Variants in LINGO2 observed in about 807,000 individuals in gnomAD.
LINGO2 encodes the protein leucine-rich repeat and immunoglobulin-like domain-containing nogo receptor-interacting protein 2.
LINGO2 carries 14 observed loss-of-function variants against 30.6 expected under a neutral mutation model. The observed-to-expected ratio is 0.46, with a 90% CI of 0.30 to 0.72. The LOEUF is 0.72. Among genes scored for constraint, LINGO2 ranks in the 30% least tolerant of loss-of-function variants. LINGO2 has a pLI of 0.07. For missense variants in LINGO2, 729 were observed against 751.7 expected (o/e 0.97, Z 0.35); for synonymous variants, 317 against 288.5 (o/e 1.10, Z -1.00).
At chr9:28,597,311 T>C (rs993736765) in intron 1 of LINGO2, among the ~76,000 whole-genome samples, 2 of 152,136 alleles carry the variant, frequency 1.3e-5, no homozygotes, top group Non-Finnish European at 2.9e-5. Flanking sequence ...ACTGCACTTC[T>C]TGGAATGGAG....
intron 4 of LINGO2, among the ~76,000 whole-genome samples, chr9:28,106,835 G>C (rs1313325063): frequency 6.6e-6 from 1 of 152,144 alleles, no homozygotes; most frequent in Non-Finnish European, 1.5e-5. Flanking sequence ...ACATAAAATA[G>C]CACAAATAAA....
intron 1 of LINGO2, among the ~76,000 whole-genome samples, chr9:28,637,328 C>G (rs1392713082): frequency 6.6e-6 from 1 of 152,054 alleles, no homozygotes; most frequent in East Asian, 1.9e-4. Context: ...TGCATATGAA[C>G]TTTAAAGTAG....
At chr9:28,050,209 G>A (rs1304827107) in intron 4 of LINGO2, among the ~76,000 whole-genome samples, 1 of 150,474 alleles carries the variant, frequency 6.6e-6, no homozygotes, top group Non-Finnish European at 1.5e-5. Context: ...GGAAGGCAAT[G>A]AGTTATTGGT....
chr9:28,676,457 C>G, the LINGO2 span, among the ~76,000 whole-genome samples: 1 of 152,092 alleles, frequency 6.6e-6, no homozygotes. Context: ...TTGTCATAAA[C>G]CATACCACAA....
chr9:28,000,312 G>T (rs1049406383), intron 5 of LINGO2, among the ~76,000 whole-genome samples: 1 of 152,106 alleles, frequency 6.6e-6, no homozygotes, highest in Non-Finnish European at 1.5e-5. Context: ...TTACTGGGAA[G>T]ACTTCAGAAA....
At chr9:29,011,387 T>G in the LINGO2 span, among the ~76,000 whole-genome samples, 1 of 112,452 alleles carries the variant, frequency 8.9e-6, no homozygotes, top group Non-Finnish European at 1.9e-5. Flanking sequence ...CCAGGGGCTG[T>G]GAATTGACAT....
chr9:28,510,380 TAATCTA>T (rs1793213748), intron 1 of LINGO2, among the ~76,000 whole-genome samples: 1 of 152,064 alleles, frequency 6.6e-6, no homozygotes, highest in South Asian at 2.1e-4. Context: ...TATAATAAAG[TAATCTA>T]AAAAAGAATG....
chr9:28,872,247 G>A, the LINGO2 span, among the ~76,000 whole-genome samples: 1 of 151,912 alleles, frequency 6.6e-6, no homozygotes, highest in South Asian at 2.1e-4. Flanking sequence ...TTAAATGACT[G>A]ATCCATGAAA....
At chr9:28,578,758 C>G (rs553808188) in intron 1 of LINGO2, among the ~76,000 whole-genome samples, 1 of 152,246 alleles carries the variant, frequency 6.6e-6, no homozygotes, top group African/African-American at 2.4e-5. Flanking sequence ...AATTAACATT[C>G]CTCAGTATAA....
At chr9:28,890,645 ACCT>A in the LINGO2 span, among the ~76,000 whole-genome samples, 1 of 151,930 alleles carries the variant, frequency 6.6e-6, no homozygotes, top group Non-Finnish European at 1.5e-5. Context: ...CCACTGAATA[ACCT>A]CCTCATTATG....
Position 27,991,906 on chromosome 9 carries a change from C to T in LINGO2, c.-36+20449G>A, listed in dbSNP as rs895717265. On this transcript the variant is annotated intron_variant, in intron 5 of 5. Transcript: ENST00000379992. ...TGCCTTCCATTTTTTAAAAAATGTG[C>T]ATTTGATCCCAATTTGCTTTCACCT... 6.2e-4 allele frequency among the ~76,000 whole-genome samples: 95 copies of T among 152,032 alleles called. 2 individuals carry two copies. Among genetic ancestry groups the T allele is most frequent in the Non-Finnish European group, 7.4e-5 (5 of 67,972 alleles).
chr9:28,324,772 C>T (rs1478599108), intron 3 of LINGO2, among the ~76,000 whole-genome samples: 3 of 152,040 alleles, frequency 2.0e-5, no homozygotes, highest in South Asian at 4.1e-4. Flanking sequence ...ATAAACTAAC[C>T]CTTGTTTAAC....
At chr9:29,008,830 C>T in the LINGO2 span, among the ~76,000 whole-genome samples, 1 of 152,046 alleles carries the variant, frequency 6.6e-6, no homozygotes, top group African/African-American at 2.4e-5. Context: ...AAAGCTTATC[C>T]ACCATGATCA....
At chr9:28,733,364 T>C in the LINGO2 span, among the ~76,000 whole-genome samples, 1 of 152,184 alleles carries the variant, frequency 6.6e-6, no homozygotes. Flanking sequence ...TGGTTTTTGA[T>C]ATATATTTTA....
the LINGO2 span, among the ~76,000 whole-genome samples, chr9:29,193,342 T>C: frequency 6.6e-6 from 1 of 152,092 alleles, no homozygotes; most frequent in Non-Finnish European, 1.5e-5. Flanking sequence ...TGGTACACCA[T>C]GCTCACCCAC....
chr9:28,926,331 G>A, the LINGO2 span, among the ~76,000 whole-genome samples: 2 of 151,956 alleles, frequency 1.3e-5, no homozygotes, highest in African/African-American at 4.8e-5. Flanking sequence ...GAAAAGAAAA[G>A]AAAAAAGAAA....
chr9:29,152,626 C>A, the LINGO2 span, among the ~76,000 whole-genome samples: 1 of 152,046 alleles, frequency 6.6e-6, no homozygotes, highest in Non-Finnish European at 1.5e-5. Flanking sequence ...AAGATGGGAA[C>A]AACAGACACT....
the LINGO2 span, among the ~76,000 whole-genome samples, chr9:29,194,685 A>C: frequency 6.6e-6 from 1 of 152,292 alleles, no homozygotes; most frequent in Middle Eastern, 3.4e-3. Flanking sequence ...GAGATCCCTG[A>C]GTAGTTTTGT....
the LINGO2 span, among the ~76,000 whole-genome samples, chr9:28,754,009 CACACACAA>C: frequency 2.6e-5 from 2 of 77,108 alleles, no homozygotes; most frequent in East Asian, 4.7e-4. Context: ...TGAGAATACA[CACACACAA>C]ACACACACAC....
Sources: allele counts gnomAD v4.1 joint callset (sites outside exome capture counted in the v4.1 genomes callset), GRCh38; gene constraint gnomAD v4.1.1; transcripts MANE v1.5; gene names NCBI Gene and HGNC (gene_info 2026-07-23, HGNC 2026-07-21).